DPF3: variants seen among roughly 807,000 people sequenced by gnomAD.
The protein encoded by DPF3 is double PHD fingers 3.
DPF3 carries 18 observed loss-of-function variants against 56.8 expected under a neutral mutation model. That is an observed-to-expected ratio of 0.32 (90% confidence interval 0.22 to 0.47). DPF3 has a LOEUF of 0.47. DPF3 is among the 20% of genes least tolerant of loss of function. The pLI is 1.00. For missense variants in DPF3, 403 were observed against 488.8 expected, an observed-to-expected ratio of 0.82 and a Z score of 1.65; for synonymous variants, 188 against 180.2, an observed-to-expected ratio of 1.04 and a Z score of -0.35.
At chr14:72,752,423 G>A (rs1481495079) in intron 3 of DPF3, among the ~76,000 whole-genome samples, 1 of 152,152 alleles carries the variant, frequency 6.6e-6, no homozygotes, top group Non-Finnish European at 1.5e-5. Context: ...AGCACTTTGG[G>A]AAGCCAAGGC....
intron 5 of DPF3, among the ~76,000 whole-genome samples, chr14:72,714,921 G>A (rs1243695246): frequency 6.6e-6 from 1 of 152,172 alleles, no homozygotes; most frequent in East Asian, 1.9e-4. Context: ...CACTGACACA[G>A]CTGAGGTTGA....
intron 1 of DPF3, among the ~76,000 whole-genome samples, chr14:72,879,624 G>T (rs1362281358): frequency 1.3e-5 from 2 of 152,150 alleles, no homozygotes; most frequent in East Asian, 3.9e-4. Flanking sequence ...CCAGGGACAG[G>T]GTGGAGGTGG....
chr14:72,824,406 C>G (rs1376594396), intron 1 of DPF3, among the ~76,000 whole-genome samples: 2 of 152,142 alleles, frequency 1.3e-5, no homozygotes, highest in East Asian at 1.9e-4. Flanking sequence ...TCCTTTCCCC[C>G]CTTCTCCTCC....
chr14:72,637,098 A>G (rs1415069895), intron 8 of DPF3, among the ~76,000 whole-genome samples: 1 of 152,204 alleles, frequency 6.6e-6, no homozygotes, highest in African/African-American at 2.4e-5. Flanking sequence ...ATAACCATAC[A>G]AAGCACATTC....
chr14:72,663,150 C>T (rs934661627), intron 8 of DPF3, among the ~76,000 whole-genome samples: 72 of 92,352 alleles, frequency 7.8e-4, no homozygotes, highest in Non-Finnish European at 1.2e-4. Context: ...GTGTAGCAGG[C>T]AGAACTGGGT....
At chr14:72,630,371 A>G (rs1885099705) in intron 8 of DPF3, among the ~76,000 whole-genome samples, 1 of 152,202 alleles carries the variant, frequency 6.6e-6, no homozygotes, top group Non-Finnish European at 1.5e-5. Context: ...GAAATGGAGC[A>G]TCAGAGCAAA....
At position 72,656,983 on chromosome 14, in the gene DPF3, C is replaced by G. The variant is rs17119120; in HGVS notation, c.871+17257G>C. Among the ~76,000 whole-genome samples, 1,092 of 152,320 alleles carry G rather than the reference C, an allele frequency of 7.2e-3. 49 individuals are homozygous for G. The East Asian group carries it at 0.1, about 14-fold the overall frequency. ...AGAAGGTTTCAATTCAGTAGTAGGT[C>G]TGGCATCAGTAATCTTCTCCACCAT... On this transcript the variant is annotated intron_variant, in intron 8 of 10. Transcript: ENST00000556509.
At chr14:72,877,814 C>T (rs1056831657) in intron 1 of DPF3, among the ~76,000 whole-genome samples, 1 of 151,996 alleles carries the variant, frequency 6.6e-6, no homozygotes, top group Non-Finnish European at 1.5e-5. Context: ...TTGAATGGTC[C>T]GAACCTGTTT....
At chr14:72,757,120 A>C (rs1433496629) in intron 2 of DPF3, among the ~76,000 whole-genome samples, 1 of 68,936 alleles carries the variant, frequency 1.5e-5, no homozygotes. Context: ...GGAGGGAGGG[A>C]GGGGAGAAGA....
In DPF3 at chr14:72,674,351, C is replaced by G; in HGVS notation, c.760G>C (p.Gly254Arg). 2 of 1,612,892 alleles carry G rather than the reference C, an allele frequency of 1.2e-6. No individual in the cohort carries two copies. The highest frequency in any genetic ancestry group is 1.7e-6 in the Non-Finnish European group (2 of 1,179,556). Residue 254 changes from glycine (G) to arginine (R), a missense_variant, in exon 8 of 11, where the codon GGA becomes CGA. By Grantham distance (125) the Gly-to-Arg change is moderately radical. Around this residue, in one of 2 missense-constraint regions of DPF3, gnomAD observed 340 missense variants for 374.3 expected, o/e 0.91. Coordinates refer to ENST00000556509, the MANE Select transcript of DPF3 (RefSeq NM_001280542.3). Reference sequence around the variant, plus strand: ...CAGTAGTTATTGGGAATGACTGTTCCATCCGGTCCTTTCTGGGCTGTGGGA... The same window carrying G: ...CAGTAGTTATTGGGAATGACTGTTCGATCCGGTCCTTTCTGGGCTGTGGGA... ...ENHRPQKGPD[G>R]TVIPNNYCDF...
At position 72,756,869 on chromosome 14, in the gene DPF3, A is replaced by AAGGAAGG. The variant is rs1890829629; in HGVS notation, c.194-3499_194-3498insCCTTCCT. On this transcript the variant is annotated intron_variant, in intron 2 of 10. Transcript: ENST00000556509. Reference sequence around the variant, plus strand: ...GAAAGAAAGAAAGAAAGAAAGAAAGAAAGGAAGGAAAGAAGGAAAGAAAGA... The same window carrying AAGGAAGG: ...GAAAGAAAGAAAGAAAGAAAGAAAGAAGGAAGGAAGGAAGGAAAGAAGGAAAGAAAGA... 2.4e-3 allele frequency among the ~76,000 whole-genome samples: 234 copies of AAGGAAGG among 95,682 alleles called. 6 individuals are homozygous for AAGGAAGG. Among genetic ancestry groups the AAGGAAGG allele is most frequent in the African/African-American group, 9.3e-3 (218 of 23,348 alleles). 62.8% of individuals were successfully genotyped at this position (95,682 alleles called of 152,430 possible). A position where few individuals can be genotyped will look rare whatever the true frequency, so the allele number is the denominator to read the frequency against.
chr14:72,796,663 A>C (rs1245309204), intron 1 of DPF3, among the ~76,000 whole-genome samples: 1 of 152,178 alleles, frequency 6.6e-6, no homozygotes, highest in African/African-American at 2.4e-5. Flanking sequence ...AATTCATTGA[A>C]TCCTAATAAC....
At chr14:72,868,190 C>G (rs904853869) in intron 1 of DPF3, among the ~76,000 whole-genome samples, 1 of 152,102 alleles carries the variant, frequency 6.6e-6, no homozygotes, top group African/African-American at 2.4e-5. Context: ...TAACCTTGCA[C>G]ATTGGAGAAA....
intron 7 of DPF3, 127 bp from the exon 8 acceptor site, chr14:72,674,495 C>T: frequency 1.5e-6 from 2 of 1,367,164 alleles, no homozygotes; most frequent in Non-Finnish European, 2.0e-6. Flanking sequence ...ACCAAGTTGG[C>T]AAATTGGGCT....
intron 7 of DPF3, among the ~76,000 whole-genome samples, chr14:72,680,060 C>A (rs771159102): frequency 3.2e-4 from 48 of 151,834 alleles, no homozygotes; most frequent in Non-Finnish European, 4.9e-4. Context: ...AAGGCGCCTG[C>A]GAGGAGCTCC....
rs182806176 is a variant in DPF3 at position 72,649,661 on chromosome 14, G to C, written c.872-19925C>G. On this transcript the variant is annotated intron_variant, in intron 8 of 10. Transcript: ENST00000556509. ...TCAATTGTCTCACTCATCCCTGGGT[G>C]GGGGGGGGGATTAATGTATTAGTAC... Among the ~76,000 whole-genome samples the C allele has an allele frequency of 1.5e-3, 121 of 79,840 alleles. No homozygotes were observed. In the South Asian group the frequency reaches 0.016, roughly 11 times the overall value. 52.4% of individuals were successfully genotyped at this position (79,840 alleles called of 152,430 possible).
At chr14:72,856,006 T>TAAAG (rs949412425) in intron 1 of DPF3, among the ~76,000 whole-genome samples, 1 of 152,226 alleles carries the variant, frequency 6.6e-6, no homozygotes, top group Non-Finnish European at 1.5e-5. Flanking sequence ...GGGTGAATTG[T>TAAAG]AAAGAAAGAA....
At chr14:72,644,216 C>A (rs1034744425) in intron 8 of DPF3, among the ~76,000 whole-genome samples, 1 of 152,134 alleles carries the variant, frequency 6.6e-6, no homozygotes, top group Non-Finnish European at 1.5e-5. Context: ...CATGGGAGTA[C>A]AACAAAACCC....
At chr14:72,753,222 C>T (rs1368838956) in intron 3 of DPF3, 42 bp downstream of exon 3, 6 of 1,591,698 alleles carry the variant, frequency 3.8e-6, no homozygotes, top group South Asian at 1.1e-5. Flanking sequence ...GTCCTCCCAC[C>T]TTTCCCATCA....
Sources: gnomAD v4.1 joint callset for allele counts (sites outside exome capture counted in the v4.1 genomes callset) on GRCh38, gnomAD v4.1.1 for gene constraint, gnomAD v4.1.1 regional missense constraint, MANE v1.5 for transcripts, NCBI Gene and HGNC (gene_info 2026-07-23, HGNC 2026-07-21) for gene names.